KIRREL1: variants seen among roughly 807,000 people sequenced by gnomAD.
KIRREL1 encodes the protein kirre like nephrin family adhesion molecule 1, also known as kin of IRRE-like protein 1.
A neutral mutation model predicts 83.3 loss-of-function variants in KIRREL1; 25 were observed. The observed-to-expected ratio is 0.30, with a 90% CI of 0.22 to 0.42. The LOEUF is 0.42. KIRREL1 is among the 10% of genes least tolerant of loss of function. KIRREL1 has a pLI of 1.00. For missense variants in KIRREL1, 812 were observed against 1,032.3 expected, an observed-to-expected ratio of 0.79 and a Z score of 2.92; for synonymous variants, 388 against 410.4, an observed-to-expected ratio of 0.95 and a Z score of 0.66.
intron 1 of KIRREL1, among the ~76,000 whole-genome samples, chr1:158,058,895 CT>C (rs975515969): frequency 6.6e-6 from 1 of 152,152 alleles, no homozygotes; most frequent in Non-Finnish European, 1.5e-5. Flanking sequence ...GAACATAATA[CT>C]GAGCTCCTCT....
At chr1:158,092,345 C>CTTTTTTTTTTT (rs11430850) in intron 11 of KIRREL1, among the ~76,000 whole-genome samples, 3 of 110,922 alleles carry the variant, frequency 2.7e-5, no homozygotes, top group African/African-American at 1.1e-4. Context: ...TCACTTCAGT[C>CTTTTTTTTTTT]TTTTTTTTTT....
intron 1 of KIRREL1, among the ~76,000 whole-genome samples, chr1:158,028,987 A>C (rs1000787828): frequency 6.6e-6 from 1 of 152,202 alleles, no homozygotes; most frequent in Non-Finnish European, 1.5e-5. Context: ...CTTTGTGGTC[A>C]TCTGTTCAAA....
chr1:158,056,373 G>A (rs1416494283), intron 1 of KIRREL1, among the ~76,000 whole-genome samples: 1 of 152,190 alleles, frequency 6.6e-6, no homozygotes, highest in African/African-American at 2.4e-5. Flanking sequence ...ACCACCATCT[G>A]CAATTCCTCC....
chr1:158,035,827 A>C (rs928029165), intron 1 of KIRREL1, among the ~76,000 whole-genome samples: 1 of 152,204 alleles, frequency 6.6e-6, no homozygotes, highest in Non-Finnish European at 1.5e-5. Flanking sequence ...GCCACAGTCT[A>C]TGTCCTAGTA....
At chr1:158,059,502 T>G (rs1312252666) in intron 1 of KIRREL1, among the ~76,000 whole-genome samples, 1 of 152,196 alleles carries the variant, frequency 6.6e-6, no homozygotes, top group Non-Finnish European at 1.5e-5. Flanking sequence ...TTTGTTTGTC[T>G]CTACCTTTGT....
chr1:158,061,463 G>T (rs916987758), intron 1 of KIRREL1, among the ~76,000 whole-genome samples: 2 of 152,220 alleles, frequency 1.3e-5, no homozygotes, highest in Non-Finnish European at 2.9e-5. Flanking sequence ...GAGTGAAAGA[G>T]TGTGAGAGAA....
At chr1:158,007,557 G>A (rs1485943422) in intron 1 of KIRREL1, among the ~76,000 whole-genome samples, 1 of 152,086 alleles carries the variant, frequency 6.6e-6, no homozygotes, top group Non-Finnish European at 1.5e-5. Flanking sequence ...CACAGGCAGA[G>A]CCCCCCGACA....
chr1:158,054,296 C>A lies in KIRREL1; in HGVS notation c.53-21817C>A, dbSNP rs75922432. On this transcript the variant is annotated intron_variant, in intron 1 of 14. Coordinates refer to ENST00000359209, the MANE Select transcript of KIRREL1 (RefSeq NM_018240.7). ...GACTGAGGGTGGGTGAGGGCAGGAC[C>A]AAAGGGGAGGCTGCTTAACCATGAT... Among the ~76,000 whole-genome samples, 1,077 of 150,496 alleles carry A rather than the reference C, an allele frequency of 7.2e-3. 7 individuals are homozygous for A. The highest frequency in any genetic ancestry group is 0.025 in the African/African-American group (1,033 of 40,870).
rs1201045848 is a variant in KIRREL1 at position 158,096,059 on chromosome 1, AAAAAC to A, written c.*942_*946del. 1 of 154,890 alleles carries A rather than the reference AAAAAC, an allele frequency of 6.5e-6. No homozygotes were observed. The highest frequency in any genetic ancestry group is 2.4e-5 in the African/African-American group (1 of 41,456). The allele number at this position is 154,890 out of a possible 1,614,324, so 9.6% of individuals were successfully genotyped here. On this transcript the variant is annotated 3_prime_UTR_variant, in exon 15 of 15. Transcript: ENST00000359209. ...TGTAGGCTCTTTTTCAAAGAAAACA[AAAAAC>A]AATGAAAACCTCATTTGGGAAGAAA...
At position 158,018,971 on chromosome 1, in the gene KIRREL1, T is replaced by A. The variant is rs544475559; in HGVS notation, c.52+25243T>A. Among the ~76,000 whole-genome samples the A allele has an allele frequency of 2.0e-5, 3 of 152,320 alleles. No homozygotes were observed. In the East Asian group the frequency reaches 5.8e-4, roughly 29 times the overall value. ...AGCAAAGAAGTTACATAAGGTTCAT[T>A]CGGATGACTTGGGAACACCTTCCCT... On this transcript the variant is annotated intron_variant, in intron 1 of 14. Transcript: ENST00000359209.
intron 11 of KIRREL1, 138 bp from the exon 12 acceptor site, chr1:158,093,201 C>G (rs1662251361): frequency 1.4e-6 from 1 of 716,644 alleles, no homozygotes; most frequent in East Asian, 2.5e-5. Context: ...AACACTGTCC[C>G]CAGGCTCAGT....
intron 1 of KIRREL1, among the ~76,000 whole-genome samples, chr1:158,061,371 G>A (rs1181055695): frequency 6.6e-6 from 1 of 152,158 alleles, no homozygotes; most frequent in African/African-American, 2.4e-5. Flanking sequence ...CAACAGAGGC[G>A]GAGGGATGAG....
At chr1:158,055,973 C>G (rs919535094) in intron 1 of KIRREL1, among the ~76,000 whole-genome samples, 1 of 152,172 alleles carries the variant, frequency 6.6e-6, no homozygotes, top group Non-Finnish European at 1.5e-5. Context: ...GGTTTCTTAC[C>G]CATGAGCAGG....
At chr1:158,091,871 A>C (rs982279872) in intron 11 of KIRREL1, among the ~76,000 whole-genome samples, 4 of 152,216 alleles carry the variant, frequency 2.6e-5, no homozygotes, top group Non-Finnish European at 2.9e-5. Flanking sequence ...AGCATTTGCT[A>C]TGTGCCAGGC....
chr1:158,089,176 G>A (rs1321252654), intron 8 of KIRREL1, among the ~76,000 whole-genome samples: 1 of 152,184 alleles, frequency 6.6e-6, no homozygotes, highest in African/African-American at 2.4e-5. Context: ...GAATTTCAGA[G>A]TAAAACGTCC....
chr1:158,080,353 C>T (rs1661813663), intron 3 of KIRREL1, among the ~76,000 whole-genome samples: 1 of 152,150 alleles, frequency 6.6e-6, no homozygotes, highest in African/African-American at 2.4e-5. Context: ...CTTATAATGG[C>T]ACCCAGTGGC....
At chr1:158,078,275 C>A in intron 3 of KIRREL1, 135 bp downstream of exon 3, 1 of 1,010,404 alleles carries the variant, frequency 9.9e-7, no homozygotes, top group Non-Finnish European at 1.5e-6. Flanking sequence ...TGCCCTAATG[C>A]TCAAGTCCAG....
Position 158,089,798 on chromosome 1 carries a change from A to G in KIRREL1, c.1252A>G (p.Thr418Ala). ...GGKVECFIGS[T>A]PPPDRIAWAW... The stretch of plus-strand genomic sequence containing the variant: ...CAAGGTGGAGTGTTTCATTGGGAGC[A>G]CACCACCCCCAGACCGCATAGTGAG... The change falls in exon 10 of 15, where the codon ACA becomes GCA. Residue 418 changes from threonine (T) to alanine (A), a missense_variant. Physicochemically the swap from Thr to Ala is moderately conservative, Grantham distance 58. Around this residue, in one of 3 missense-constraint regions of KIRREL1, gnomAD observed 472 missense variants for 626.8 expected, o/e 0.75. Transcript: ENST00000359209. 2 of 1,613,954 alleles carry G rather than the reference A, an allele frequency of 1.2e-6. No individual in the cohort carries two copies. The highest frequency in any genetic ancestry group is 1.7e-6 in the Non-Finnish European group (2 of 1,179,982).
chr1:158,040,338 C>T (rs948983775), intron 1 of KIRREL1, among the ~76,000 whole-genome samples: 2 of 152,124 alleles, frequency 1.3e-5, no homozygotes, highest in Non-Finnish European at 2.9e-5. Context: ...GCAAGCAAGT[C>T]CCATAATAGA....
Sources: allele counts gnomAD v4.1 joint callset (sites outside exome capture counted in the v4.1 genomes callset), GRCh38; gene constraint gnomAD v4.1.1; regional missense constraint gnomAD v4.1.1; transcripts MANE v1.5; gene names NCBI Gene and HGNC (gene_info 2026-07-23, HGNC 2026-07-21).